Variants in ANKRD30A observed in about 807,000 individuals in gnomAD.
ANKRD30A encodes ankyrin repeat domain-containing protein 30A.
Under a neutral mutation model 166.3 loss-of-function variants are expected in ANKRD30A, and 170 were observed. That is an observed-to-expected ratio of 1.02 (90% CI 0.90 to 1.16). ANKRD30A has a LOEUF of 1.16. Ranked by LOEUF, ANKRD30A falls within the 50% of genes most tolerant of loss-of-function variation. The pLI is 0.00. For missense variants in ANKRD30A, 1,630 were observed against 1,518.0 expected (o/e 1.07, Z -1.23); for synonymous variants, 564 against 508.9 (o/e 1.11, Z -1.46).
intron 27 of ANKRD30A, among the ~76,000 whole-genome samples, chr10:37,196,375 A>C (rs186837619): frequency 9.8e-4 from 149 of 152,254 alleles, no homozygotes; most frequent in African/African-American, 3.3e-3. Context: ...GATGTTAGCT[A>C]TTGAAATGAG....
Position 37,129,944 on chromosome 10 carries a change from T to A in ANKRD30A, c.273T>A (p.Phe91Leu). ...ATGGCCATGAGGAAGTAGTAACATT[T>A]CTGGTAGACAGAAAGTGCCAGCTTG... ...CVNGHEEVVT[F>L]LVDRKCQLDV... is the part of the protein sequence containing the mutation. Residue 91 changes from phenylalanine (F) to leucine (L), a missense_variant, in exon 2 of 36, where the codon TTT becomes TTA. By Grantham distance (22) the Phe-to-Leu change is conservative (BLOSUM62 0). Around this residue, in one of 4 missense-constraint regions of ANKRD30A, gnomAD observed 904 missense variants for 818.5 expected, o/e 1.10. Coordinates refer to ENST00000361713, the MANE Select transcript of ANKRD30A (RefSeq NM_052997.3). The A allele has an allele frequency of 1.9e-6, 3 of 1,579,396 alleles. No individual in the cohort carries two copies. The highest frequency in any genetic ancestry group is 2.6e-6 in the Non-Finnish European group (3 of 1,160,552).
chr10:37,249,335 C>T, the ANKRD30A span, among the ~76,000 whole-genome samples: 1 of 152,052 alleles, frequency 6.6e-6, no homozygotes, highest in African/African-American at 2.4e-5. Context: ...AAATATGACC[C>T]ATTTTCATTG....
At chr10:37,184,100 A>G (rs893062185) in intron 24 of ANKRD30A, among the ~76,000 whole-genome samples, 1 of 150,898 alleles carries the variant, frequency 6.6e-6, no homozygotes, top group African/African-American at 2.4e-5. Flanking sequence ...GAGGCCTTTC[A>G]TGGGAAAATA....
At position 37,216,236 on chromosome 10, in the gene ANKRD30A, G is replaced by A. The variant is rs1311661474; in HGVS notation, c.2925G>A (p.Arg975=). ...LDTVHSCERA[R]ELQKDHCEQR... ...CAGTTCATTCTTGTGAAAGAGCAAG[G>A]GAACTTCAAAAAGATCACTGTGAAC... is the stretch of plus-strand genomic sequence containing the variant. The change falls in exon 32 of 36, where the codon AGG becomes AGA. Residue 975 remains arginine, a synonymous_variant. Transcript: ENST00000361713. 1.2e-6 allele frequency: 2 copies of A among 1,607,564 alleles called. No homozygotes were observed. The highest frequency in any genetic ancestry group is 1.7e-6 in the Non-Finnish European group (2 of 1,175,582).
intron 31 of ANKRD30A, among the ~76,000 whole-genome samples, chr10:37,202,347 T>G (rs1841682524): frequency 6.6e-6 from 1 of 151,986 alleles, no homozygotes; most frequent in South Asian, 2.1e-4. Flanking sequence ...TCAAAACCAC[T>G]TAACTACATG....
At chr10:37,207,154 C>A (rs1051824294) in intron 31 of ANKRD30A, among the ~76,000 whole-genome samples, 1 of 152,052 alleles carries the variant, frequency 6.6e-6, no homozygotes, top group Non-Finnish European at 1.5e-5. Flanking sequence ...ATTTTATTTA[C>A]CATTATTTTC....
rs774671198 is a variant in ANKRD30A, at chr10:37,149,860, C to T, written c.1645+11C>T. On this transcript the variant is annotated intron_variant, in intron 11 of 35. Transcript: ENST00000361713. The stretch of plus-strand genomic sequence containing the variant: ...AAACATTGAGAGCAGGTAAATTTTT[C>T]AATTTAACTATGCAAAGACGAATAT... 8.1e-6 allele frequency: 13 copies of T among 1,612,004 alleles called. No individual in the cohort carries two copies. The East Asian group carries it at 8.9e-5, about 11-fold the overall frequency.
intron 12 of ANKRD30A, among the ~76,000 whole-genome samples, chr10:37,152,650 TG>T: frequency 6.6e-6 from 1 of 152,218 alleles, no homozygotes; most frequent in Middle Eastern, 3.4e-3. Flanking sequence ...GGAAACCTTG[TG>T]GGAGTATAAT....
intron 15 of ANKRD30A, among the ~76,000 whole-genome samples, chr10:37,159,006 G>A (rs536936475): frequency 1.7e-4 from 26 of 152,152 alleles, no homozygotes; most frequent in African/African-American, 5.8e-4. Context: ...AAGAAAATCA[G>A]CTTTTTTTTT....
chr10:37,172,284 G>GGAGAGA (rs1248709414), intron 21 of ANKRD30A, among the ~76,000 whole-genome samples: 1 of 114,594 alleles, frequency 8.7e-6, no homozygotes, highest in African/African-American at 3.5e-5. Flanking sequence ...AGTAGCAAAA[G>GGAGAGA]GAGAGGCCTT....
Position 37,130,395 on chromosome 10 carries a change from G to T in ANKRD30A, c.510+17G>T, listed in dbSNP as rs548329002. On this transcript the variant is annotated intron_variant, in intron 3 of 35. Transcript: ENST00000361713. ...CACAACAAGGTAGACACTAACCAAT[G>T]TTATTTTCAAAATATTTGAAATCCA... 1.0e-5 allele frequency: 14 copies of T among 1,402,450 alleles called. No individual in the cohort carries two copies. The East Asian group carries it at 3.6e-4, about 36-fold the overall frequency. 86.9% of individuals were successfully genotyped at this position (1,402,450 alleles called of 1,614,324 possible). A position where few individuals can be genotyped will look rare whatever the true frequency, so the allele number is the denominator to read the frequency against.
intron 31 of ANKRD30A, among the ~76,000 whole-genome samples, chr10:37,214,032 A>G (rs1251808648): frequency 6.6e-6 from 1 of 151,562 alleles, no homozygotes; most frequent in Non-Finnish European, 1.5e-5. Context: ...ACACTTGGGC[A>G]TTTGTCCATT....
chr10:37,157,537 T>G (rs1838480002), intron 13 of ANKRD30A, among the ~76,000 whole-genome samples: 1 of 152,160 alleles, frequency 6.6e-6, no homozygotes, highest in East Asian at 1.9e-4. Flanking sequence ...GGCTGATTTT[T>G]GTAATTTTAG....
intron 33 of ANKRD30A, 116 bp from the exon 34 acceptor site, chr10:37,218,864 C>T (rs900146072): frequency 7.3e-6 from 5 of 684,888 alleles, no homozygotes; most frequent in Non-Finnish European, 1.2e-5. Context: ...TCAACTGATA[C>T]CTACTTATAA....
chr10:37,199,643 G>T lies in ANKRD30A; in HGVS notation c.2717-84G>T, dbSNP rs1027660271. The T allele has an allele frequency of 8.0e-6, 7 of 872,562 alleles. No individual in the cohort carries two copies. The African/African-American group carries it at 8.7e-5, about 11-fold the overall frequency. 54.1% of individuals were successfully genotyped at this position (872,562 alleles called of 1,614,324 possible). On this transcript the variant is annotated intron_variant, in intron 29 of 35. Transcript: ENST00000361713. ...TACAGAGGAGGAACCACAGATTCGTGAATGAAAGTAGATTTGTATATGTTT... is the reference window on the plus strand; with the variant it reads ...TACAGAGGAGGAACCACAGATTCGTTAATGAAAGTAGATTTGTATATGTTT...
intron 31 of ANKRD30A, among the ~76,000 whole-genome samples, chr10:37,212,888 G>T (rs200047980): frequency 6.6e-6 from 1 of 151,372 alleles, no homozygotes; most frequent in African/African-American, 2.4e-5. Context: ...ACATTTCAAT[G>T]AATTTGTCAA....
intron 12 of ANKRD30A, among the ~76,000 whole-genome samples, chr10:37,153,208 T>A (rs1838089760): frequency 6.6e-6 from 1 of 152,196 alleles, no homozygotes; most frequent in Non-Finnish European, 1.5e-5. Context: ...GTAGCAAATG[T>A]GTTGTATTTT....
intron 34 of ANKRD30A, among the ~76,000 whole-genome samples, chr10:37,226,397 T>C (rs1198959636): frequency 6.6e-6 from 1 of 151,526 alleles, no homozygotes; most frequent in African/African-American, 2.4e-5. Context: ...CTGAGAATGA[T>C]GGTTTCCAGC....
intron 24 of ANKRD30A, among the ~76,000 whole-genome samples, chr10:37,179,031 T>G (rs1380678585): frequency 6.6e-4 from 35 of 53,126 alleles, no homozygotes; most frequent in African/African-American, 1.7e-3. Flanking sequence ...TATATATATA[T>G]ATATATATAT....
Sources: gnomAD v4.1 joint callset for allele counts (sites outside exome capture counted in the v4.1 genomes callset) on GRCh38, gnomAD v4.1.1 for gene constraint, gnomAD v4.1.1 regional missense constraint, MANE v1.5 for transcripts, NCBI Gene and HGNC (gene_info 2026-07-23, HGNC 2026-07-21) for gene names.